The following TDRD5 variants were observed in gnomAD, a reference collection of about 807,000 sequenced individuals.
TDRD5 encodes tudor domain containing 5.
A neutral mutation model predicts 120.6 loss-of-function variants in TDRD5; 41 were observed. The ratio of observed to expected loss-of-function variants is 0.34; its 90% confidence interval spans 0.26 to 0.44. The LOEUF (loss-of-function observed/expected upper bound fraction) is 0.44, where lower values mean the gene tolerates loss of function less well. TDRD5 is among the 20% of genes least tolerant of loss of function. The probability of loss-of-function intolerance (pLI) is 1.00; values close to 1 mark genes in which losing one functional copy is unlikely to be tolerated. For missense variants in TDRD5, 1,006 were observed against 1,221.2 expected, an observed-to-expected ratio of 0.82 and a Z score of 2.63; for synonymous variants, 430 against 433.7, an observed-to-expected ratio of 0.99 and a Z score of 0.11.
At chr1:179,653,790 C>T (rs1054335502) in intron 13 of TDRD5, among the ~76,000 whole-genome samples, 2 of 152,198 alleles carry the variant, frequency 1.3e-5, no homozygotes, top group African/African-American at 4.8e-5. Context: ...CACCCAGTTC[C>T]TTGTGAATTC....
chr1:179,596,112 C>T (rs1382375947), intron 4 of TDRD5, among the ~76,000 whole-genome samples: 1 of 152,196 alleles, frequency 6.6e-6, no homozygotes, highest in African/African-American at 2.4e-5. Flanking sequence ...AGCATATTTG[C>T]AATTTACCTC....
intron 11 of TDRD5, among the ~76,000 whole-genome samples, chr1:179,650,307 A>G (rs1436681278): frequency 1.3e-5 from 2 of 150,424 alleles, no homozygotes; most frequent in Non-Finnish European, 3.0e-5. Context: ...AGGCTGAGGC[A>G]GGAGAATCGC....
At chr1:179,636,053 T>C (rs141273276) in intron 9 of TDRD5, among the ~76,000 whole-genome samples, 166 bp downstream of exon 9, 1,527 of 152,318 alleles carry the variant, frequency 0.01, 31 homozygotes, top group African/African-American at 0.034. Context: ...ATTAAAATAA[T>C]TCTCGTGTTA....
chr1:179,610,266 G>T (rs555305755), intron 4 of TDRD5, among the ~76,000 whole-genome samples: 42 of 152,222 alleles, frequency 2.8e-4, no homozygotes, highest in Admixed American at 2.6e-3. Context: ...TGCTTTCTTA[G>T]TAATTTTCCT....
chr1:179,666,786 T>A (rs1679576844), intron 16 of TDRD5, among the ~76,000 whole-genome samples: 1 of 152,258 alleles, frequency 6.6e-6, no homozygotes, highest in African/African-American at 2.4e-5. Context: ...CTCCAGTTTG[T>A]CCATGTCAAC....
chr1:179,683,320 G>A (rs575812487), intron 17 of TDRD5, among the ~76,000 whole-genome samples: 143 of 152,180 alleles, frequency 9.4e-4, no homozygotes, highest in Non-Finnish European at 1.5e-3. Context: ...AAATATTCTC[G>A]TTGAAAAACA....
chr1:179,610,470 T>A (rs1355949137), intron 4 of TDRD5, among the ~76,000 whole-genome samples: 1 of 152,206 alleles, frequency 6.6e-6, no homozygotes, highest in African/African-American at 2.4e-5. Flanking sequence ...CTTCATTTTT[T>A]AAAATGGCTT....
chr1:179,623,700 C>A (rs1676968401), intron 6 of TDRD5, among the ~76,000 whole-genome samples: 2 of 125,966 alleles, frequency 1.6e-5, no homozygotes, highest in Admixed American at 2.1e-4. Context: ...GTGGCATGAT[C>A]TTGGGTTACT....
rs76993292 is a variant in TDRD5 at position 179,597,837 on chromosome 1, A to T, written c.831+2019A>T. On this transcript the variant is annotated intron_variant, in intron 4 of 17. Coordinates refer to ENST00000444136, the MANE Select transcript of TDRD5 (RefSeq NM_001199085.3). Reference sequence around the variant, plus strand: ...CCTTATTAATTTGGCACCTCCATTCACCTCACACATGTGTAGTTCTATTTT... The same window carrying T: ...CCTTATTAATTTGGCACCTCCATTCTCCTCACACATGTGTAGTTCTATTTT... Among the ~76,000 whole-genome samples, 1,375 of 152,098 alleles carry T rather than the reference A, an allele frequency of 9.0e-3. 47 individuals carry two copies. The highest frequency in any genetic ancestry group is 0.061 in the East Asian group (317 of 5,180).
chr1:179,618,261 A>G (rs1411105776), intron 4 of TDRD5, among the ~76,000 whole-genome samples: 1 of 152,244 alleles, frequency 6.6e-6, no homozygotes, highest in Non-Finnish European at 1.5e-5. Context: ...TATGTTTTCA[A>G]TAAACATGGA....
rs199974860 is a variant in TDRD5, at chr1:179,669,185, A to G, written c.2650-9A>G. On this transcript the variant is annotated splice_polypyrimidine_tract_variant and intron_variant, in intron 16 of 17. Transcript: ENST00000444136. ...TTCATGTTTTTGCCCCATTTTTCCC[A>G]TTCTGCAGCAACTAGACATAAATGG... 2 of 1,608,504 alleles carry G rather than the reference A, an allele frequency of 1.2e-6. No homozygotes were observed. The highest frequency in any genetic ancestry group is 2.2e-5 in the East Asian group (1 of 44,780).
Position 179,618,921 on chromosome 1 carries a change from CT to C in TDRD5, c.915+240del, listed in dbSNP as rs1481802398. On this transcript the variant is annotated intron_variant, in intron 5 of 17. Transcript: ENST00000444136. ...GTTCTCTCTTCCTTTCCTTCTTCCC[CT>C]CATCCCAATAGATCACTGTTGACAA... 2.6e-5 allele frequency among the ~76,000 whole-genome samples: 4 copies of C among 152,228 alleles called. No homozygotes were observed. The East Asian group carries it at 7.7e-4, about 29-fold the overall frequency.
intron 17 of TDRD5, among the ~76,000 whole-genome samples, chr1:179,676,406 T>G (rs145879625): frequency 0.019 from 2,968 of 152,322 alleles, 78 homozygotes; most frequent in African/African-American, 0.067. Context: ...ATTTGTTGCC[T>G]GAATACCTTG....
intron 16 of TDRD5, among the ~76,000 whole-genome samples, chr1:179,664,719 T>G (rs1050412103): frequency 2.0e-5 from 3 of 152,184 alleles, no homozygotes; most frequent in African/African-American, 7.2e-5. Flanking sequence ...GGTGGGAATT[T>G]GGGCTGCTTT....
intron 7 of TDRD5, among the ~76,000 whole-genome samples, chr1:179,632,281 A>C (rs955874018): frequency 7.2e-5 from 11 of 152,148 alleles, no homozygotes; most frequent in African/African-American, 2.7e-4. Flanking sequence ...ATAATACACT[A>C]TGATACCATG....
chr1:179,621,527 C>T (rs1676843845), intron 6 of TDRD5, among the ~76,000 whole-genome samples: 1 of 151,976 alleles, frequency 6.6e-6, no homozygotes, highest in Non-Finnish European at 1.5e-5. Context: ...CACATGTACG[C>T]ATGAAGACCT....
At chr1:179,635,306 G>A (rs1446444798) in intron 8 of TDRD5, among the ~76,000 whole-genome samples, 1 of 152,190 alleles carries the variant, frequency 6.6e-6, no homozygotes, top group Non-Finnish European at 1.5e-5. Context: ...TTTGACTGCT[G>A]ATATGAGTAG....
At chr1:179,595,888 T>C in intron 4 of TDRD5, 70 bp downstream of exon 4, 1 of 1,424,882 alleles carries the variant, frequency 7.0e-7, no homozygotes, top group Non-Finnish European at 9.3e-7. Flanking sequence ...CACTTTGATC[T>C]GATGGAAAAG....
intron 4 of TDRD5, among the ~76,000 whole-genome samples, 189 bp downstream of exon 4, chr1:179,596,007 A>G (rs1484650161): frequency 6.6e-6 from 1 of 152,134 alleles, no homozygotes; most frequent in African/African-American, 2.4e-5. Context: ...GAAGAGTACA[A>G]TTTTATCAAC....
Sources: gnomAD v4.1 joint callset for allele counts (sites outside exome capture counted in the v4.1 genomes callset) on GRCh38, gnomAD v4.1.1 for gene constraint, MANE v1.5 for transcripts, NCBI Gene and HGNC (gene_info 2026-07-23, HGNC 2026-07-21) for gene names.